Variants in AGBL1 observed in about 807,000 individuals in gnomAD.
AGBL1 encodes the protein cytosolic carboxypeptidase 4.
A neutral mutation model predicts 118.9 loss-of-function variants in AGBL1; 130 were observed. That is an observed-to-expected ratio of 1.09 (90% confidence interval 0.95 to 1.26). The LOEUF (loss-of-function observed/expected upper bound fraction) is 1.26. Among genes scored for constraint, AGBL1 ranks in the 50% most tolerant of loss-of-function variants. AGBL1 has a pLI of 0.00. For missense variants in AGBL1, 1,584 were observed against 1,298.1 expected (o/e 1.22, Z -3.38); for synonymous variants, 555 against 478.9 (o/e 1.16, Z -2.08).
At chr15:86,620,052 C>A (rs926966508) in intron 21 of AGBL1, among the ~76,000 whole-genome samples, 1 of 152,130 alleles carries the variant, frequency 6.6e-6, no homozygotes, top group African/African-American at 2.4e-5. Flanking sequence ...GAAGACGGAT[C>A]TCAGAGTGTT....
intron 5 of AGBL1, among the ~76,000 whole-genome samples, chr15:86,167,989 A>G (rs771206840): frequency 6.6e-6 from 1 of 152,254 alleles, no homozygotes; most frequent in Non-Finnish European, 1.5e-5. Flanking sequence ...AGTTTCTTTC[A>G]TATGGTGCAT....
intron 22 of AGBL1, among the ~76,000 whole-genome samples, chr15:86,878,201 G>C (rs1294026805): frequency 2.0e-5 from 3 of 152,188 alleles, no homozygotes; most frequent in Non-Finnish European, 2.9e-5. Flanking sequence ...TTTGTGATTA[G>C]GGTTTTGTTC....
intron 22 of AGBL1, among the ~76,000 whole-genome samples, chr15:86,715,981 ACT>A (rs1472087338): frequency 2.0e-5 from 3 of 151,004 alleles, no homozygotes. Context: ...CAGGAGAATC[ACT>A]TGAACCCGGG....
chr15:86,554,186 C>G (rs12592094), intron 20 of AGBL1, among the ~76,000 whole-genome samples, 175 bp from the exon 21 acceptor site: 4,775 of 152,164 alleles, frequency 0.031, 132 homozygotes, highest in East Asian at 0.13. Flanking sequence ...AAGCCTGTTT[C>G]CTCATCTGCA....
intron 6 of AGBL1, among the ~76,000 whole-genome samples, chr15:86,243,501 T>G (rs552654584): frequency 6.8e-4 from 103 of 152,254 alleles, no homozygotes; most frequent in African/African-American, 2.4e-3. Context: ...AGGACAGAGA[T>G]AAATCTCCTG....
chr15:86,536,806 G>A (rs1318915707), intron 19 of AGBL1, among the ~76,000 whole-genome samples: 1 of 152,176 alleles, frequency 6.6e-6, no homozygotes, highest in African/African-American at 2.4e-5. Flanking sequence ...AGTGGAAATA[G>A]GTGAAAGCAA....
At chr15:86,401,109 C>T (rs903124327) in intron 18 of AGBL1, among the ~76,000 whole-genome samples, 22 of 152,234 alleles carry the variant, frequency 1.4e-4, no homozygotes, top group Admixed American at 2.6e-4. Flanking sequence ...TGCACATCTA[C>T]GCTAACATCT....
intron 22 of AGBL1, among the ~76,000 whole-genome samples, chr15:86,791,412 A>G (rs1004582975): frequency 6.6e-6 from 1 of 152,140 alleles, no homozygotes. Flanking sequence ...CAGAATTAAA[A>G]CAAGTAATTC....
At chr15:86,182,186 G>A (rs1445436486) in intron 5 of AGBL1, among the ~76,000 whole-genome samples, 1 of 152,050 alleles carries the variant, frequency 6.6e-6, no homozygotes, top group East Asian at 1.9e-4. Flanking sequence ...TAATGGGAGA[G>A]AAAGGCATAA....
intron 7 of AGBL1, 56 bp from the exon 8 acceptor site, chr15:86,256,797 C>T (rs1351017169): frequency 3.2e-6 from 5 of 1,580,098 alleles, no homozygotes; most frequent in Non-Finnish European, 4.3e-6. Flanking sequence ...AGCTGTGTTA[C>T]AGCTAGGGGA....
chr15:86,760,766 G>A (rs1389476705), intron 22 of AGBL1, among the ~76,000 whole-genome samples: 2 of 152,188 alleles, frequency 1.3e-5, no homozygotes, highest in African/African-American at 4.8e-5. Flanking sequence ...AGGAAAGTGA[G>A]GACGTTGGCT....
At chr15:86,442,236 G>C (rs1384441499) in intron 18 of AGBL1, among the ~76,000 whole-genome samples, 1 of 152,176 alleles carries the variant, frequency 6.6e-6, no homozygotes, top group Non-Finnish European at 1.5e-5. Context: ...TGAATCTGAG[G>C]AGCAGGCTGA....
At chr15:86,890,474 T>C (rs542956458) in intron 22 of AGBL1, among the ~76,000 whole-genome samples, 1 of 152,312 alleles carries the variant, frequency 6.6e-6, no homozygotes, top group African/African-American at 2.4e-5. Context: ...TGCCTGTGCC[T>C]GTGTCCTGAA....
At chr15:86,409,319 C>T (rs1055406727) in intron 18 of AGBL1, among the ~76,000 whole-genome samples, 3 of 152,078 alleles carry the variant, frequency 2.0e-5, no homozygotes, top group Non-Finnish European at 2.9e-5. Flanking sequence ...TGAACTTGTT[C>T]GTAGAGATCA....
intron 1 of AGBL1, among the ~76,000 whole-genome samples, chr15:86,096,570 A>G (rs1478653704): frequency 6.6e-6 from 1 of 152,188 alleles, no homozygotes; most frequent in Non-Finnish European, 1.5e-5. Context: ...GTATTGGGGA[A>G]AAGATATGAA....
intron 22 of AGBL1, among the ~76,000 whole-genome samples, chr15:86,706,094 C>T (rs2086444789): frequency 1.3e-5 from 2 of 152,030 alleles, no homozygotes; most frequent in Admixed American, 1.3e-4. Flanking sequence ...TATTAAATAA[C>T]GTCTGCCAAT....
chr15:86,661,812 GCT>G (rs1162523231), intron 21 of AGBL1, among the ~76,000 whole-genome samples: 1 of 152,106 alleles, frequency 6.6e-6, no homozygotes, highest in Admixed American at 6.5e-5. Context: ...CACTCTCGTC[GCT>G]CTGAGAATGT....
chr15:86,293,065 C>CTT (rs2079572401), intron 16 of AGBL1, among the ~76,000 whole-genome samples: 1 of 152,166 alleles, frequency 6.6e-6, no homozygotes, highest in African/African-American at 2.4e-5. Flanking sequence ...TTTCTTGGCA[C>CTT]TTTTTCTTTT....
chr15:86,864,974 G>C (rs1210038763), intron 22 of AGBL1, among the ~76,000 whole-genome samples: 1 of 152,098 alleles, frequency 6.6e-6, no homozygotes. Context: ...TTGTTTTCTT[G>C]CTTATTGCCT....
Sources: gnomAD v4.1 joint callset for allele counts (sites outside exome capture counted in the v4.1 genomes callset) on GRCh38, gnomAD v4.1.1 for gene constraint, MANE v1.5 for transcripts, NCBI Gene and HGNC (gene_info 2026-07-23, HGNC 2026-07-21) for gene names.